MYCBP2: variants seen among roughly 807,000 people sequenced by gnomAD.
The protein encoded by MYCBP2 is MYC binding protein 2.
In MYCBP2, 120 loss-of-function variants were observed where a neutral mutation model predicts 525.3. That is an observed-to-expected ratio of 0.23 (90% CI 0.20 to 0.27). The LOEUF is 0.27. Among genes scored for constraint, MYCBP2 ranks in the 10% least tolerant of loss-of-function variants. The pLI is 1.00. For synonymous variants in MYCBP2, 1,894 were observed against 1,955.8 expected (o/e 0.97, Z 0.83); for missense variants, 4,149 against 5,657.1 (o/e 0.73, Z 8.55).
chr13:77,282,628 CTACA>C (rs1285363360), intron 3 of MYCBP2, among the ~76,000 whole-genome samples: 2 of 152,218 alleles, frequency 1.3e-5, no homozygotes, highest in East Asian at 3.9e-4. Context: ...CAACTTGTGC[CTACA>C]TAGTGATAAC....
intron 3 of MYCBP2, among the ~76,000 whole-genome samples, chr13:77,286,012 A>G (rs1397107711): frequency 6.6e-6 from 1 of 152,172 alleles, no homozygotes; most frequent in Non-Finnish European, 1.5e-5. Context: ...AGGAGGCAAA[A>G]AGGACATGTG....
chr13:77,222,482 T>C (rs1388297203), intron 20 of MYCBP2, among the ~76,000 whole-genome samples: 1 of 152,102 alleles, frequency 6.6e-6, no homozygotes, highest in Non-Finnish European at 1.5e-5. Flanking sequence ...ACTCAGGACA[T>C]TCCCTTTTGT....
intron 1 of MYCBP2, among the ~76,000 whole-genome samples, chr13:77,296,884 C>T (rs993537873): frequency 6.6e-6 from 1 of 151,962 alleles, no homozygotes; most frequent in Admixed American, 6.6e-5. Context: ...AAGCAATATA[C>T]AATATATATT....
chr13:77,146,425 A>C (rs1308796909), intron 47 of MYCBP2, among the ~76,000 whole-genome samples: 2 of 151,998 alleles, frequency 1.3e-5, no homozygotes, highest in Middle Eastern at 3.4e-3. Context: ...AAACTTAAAA[A>C]AAAAAAGCAA....
At chr13:77,208,154 C>T (rs548566750) in intron 23 of MYCBP2, among the ~76,000 whole-genome samples, 1 of 152,246 alleles carries the variant, frequency 6.6e-6, no homozygotes, top group Non-Finnish European at 1.5e-5. Context: ...CTTTTCTCCT[C>T]CTGCTCTCTT....
At chr13:77,084,940 G>A (rs992706938) in intron 62 of MYCBP2, among the ~76,000 whole-genome samples, 1 of 151,802 alleles carries the variant, frequency 6.6e-6, no homozygotes, top group African/African-American at 2.4e-5. Context: ...CTCTGCTTGG[G>A]CTCTTTTCCC....
chr13:77,257,867 A>G, intron 13 of MYCBP2, 38 bp from the exon 14 acceptor site: 1 of 1,561,020 alleles, frequency 6.4e-7, no homozygotes, highest in Non-Finnish European at 8.7e-7. Context: ...AACAACAAAA[A>G]GGCCCTTCTG....
intron 65 of MYCBP2, 58 bp from the exon 66 acceptor site, chr13:77,078,947 T>G: frequency 1.4e-6 from 2 of 1,398,068 alleles, no homozygotes; most frequent in Non-Finnish European, 2.0e-6. Flanking sequence ...GAACTTACAA[T>G]GGTTTCTCAT....
At chr13:77,112,521 G>A (rs2049004954) in intron 55 of MYCBP2, among the ~76,000 whole-genome samples, 1 of 151,630 alleles carries the variant, frequency 6.6e-6, no homozygotes, top group South Asian at 2.1e-4. Context: ...GAACTCCTGG[G>A]CTTAAGTGAT....
chr13:77,166,776 A>G (rs1310288420), intron 40 of MYCBP2, among the ~76,000 whole-genome samples: 1 of 152,184 alleles, frequency 6.6e-6, no homozygotes, highest in Non-Finnish European at 1.5e-5. Context: ...TTGACTTCAA[A>G]GTATGTAATT....
chr13:77,176,720 TA>T, intron 35 of MYCBP2, 92 bp from the exon 36 acceptor site: 1 of 1,052,484 alleles, frequency 9.5e-7, no homozygotes, highest in Admixed American at 3.6e-5. Flanking sequence ...TTTTAAAATT[TA>T]TTTTCTTGAA....
chr13:77,207,213 T>C (rs1350315314), intron 23 of MYCBP2, among the ~76,000 whole-genome samples: 1 of 152,210 alleles, frequency 6.6e-6, no homozygotes, highest in Non-Finnish European at 1.5e-5. Flanking sequence ...ATCCTCAATG[T>C]ATAAGAGCTA....
At chr13:77,252,448 T>C (rs563272030) in intron 14 of MYCBP2, among the ~76,000 whole-genome samples, 31 of 152,146 alleles carry the variant, frequency 2.0e-4, no homozygotes, top group Non-Finnish European at 3.7e-4. Flanking sequence ...CAAATAAAAA[T>C]GTAAACTACA....
In MYCBP2 at chr13:77,176,613, C is replaced by A; in HGVS notation, c.5356G>T (p.Asp1786Tyr). The A allele has an allele frequency of 6.4e-7, 1 of 1,562,998 alleles. No homozygotes were observed. The highest frequency in any genetic ancestry group is 8.7e-7 in the Non-Finnish European group (1 of 1,149,806). Residue 1786 changes from aspartate to tyrosine, a missense_variant, in exon 36 of 83, where the codon GAT (aspartate) becomes TAT (tyrosine). Around this residue, in one of 21 missense-constraint regions of MYCBP2, gnomAD observed 109 missense variants for 118.9 expected, o/e 0.92. Transcript: ENST00000544440. ...VLVDDSEHAG[D>Y]STHSHRWTSL... ...GTCCATCTGTGGGAATGAGTTGAAT[C>A]TCCTGCATGTTCACTCTAAAAAAAA...
chr13:77,206,576 A>C, intron 24 of MYCBP2, 77 bp downstream of exon 24: 2 of 1,254,442 alleles, frequency 1.6e-6, no homozygotes, highest in Non-Finnish European at 2.1e-6. Flanking sequence ...ATTACATATA[A>C]ATTTAAATAC....
At chr13:77,121,314 A>G in intron 55 of MYCBP2, 59 bp downstream of exon 55, 1 of 1,374,742 alleles carries the variant, frequency 7.3e-7, no homozygotes. Context: ...TGTATAAAAG[A>G]GAAGGTAATA....
intron 26 of MYCBP2, among the ~76,000 whole-genome samples, chr13:77,194,963 A>T (rs968497573): frequency 6.6e-6 from 1 of 152,294 alleles, no homozygotes; most frequent in African/African-American, 2.4e-5. Context: ...TCCAATACAA[A>T]AAGGTTATGA....
At chr13:77,125,610 C>A in intron 53 of MYCBP2, 142 bp from the exon 54 acceptor site, 1 of 887,364 alleles carries the variant, frequency 1.1e-6, no homozygotes, top group Non-Finnish European at 1.7e-6. Context: ...GAAATTAAGG[C>A]CACAGCCTGA....
chr13:77,053,559 A>T (rs1467720777), intron 80 of MYCBP2, among the ~76,000 whole-genome samples: 1 of 152,238 alleles, frequency 6.6e-6, no homozygotes, highest in African/African-American at 2.4e-5. Flanking sequence ...TGCTTACTCC[A>T]GCTGTTTCAC....
Sources: allele counts gnomAD v4.1 joint callset (sites outside exome capture counted in the v4.1 genomes callset), GRCh38; gene constraint gnomAD v4.1.1; regional missense constraint gnomAD v4.1.1; transcripts MANE v1.5; gene names NCBI Gene and HGNC (gene_info 2026-07-23, HGNC 2026-07-21).